EXOC6B: variants seen among roughly 807,000 people sequenced by gnomAD.
EXOC6B encodes exocyst complex component 6B.
EXOC6B carries 54 observed loss-of-function variants against 113.5 expected under a neutral mutation model. That is an observed-to-expected ratio of 0.48 (90% CI 0.38 to 0.60). The LOEUF is 0.60. EXOC6B is among the 20% of genes least tolerant of loss of function. EXOC6B has a pLI of 0.00. For missense variants in EXOC6B, 797 were observed against 977.5 expected (o/e 0.82, Z 2.46); for synonymous variants, 357 against 339.0 (o/e 1.05, Z -0.58).
At chr2:72,667,924 A>T (rs1323355980) in intron 6 of EXOC6B, among the ~76,000 whole-genome samples, 1 of 152,210 alleles carries the variant, frequency 6.6e-6, no homozygotes, top group African/African-American at 2.4e-5. Flanking sequence ...ATTATCAATA[A>T]ACAGGCAACC....
chr2:72,812,180 G>T (rs1206686434), intron 1 of EXOC6B, among the ~76,000 whole-genome samples: 1 of 152,078 alleles, frequency 6.6e-6, no homozygotes, highest in African/African-American at 2.4e-5. Context: ...AGTCCAGCAA[G>T]ATCACAAAGA....
intron 6 of EXOC6B, among the ~76,000 whole-genome samples, chr2:72,678,435 T>G (rs1676464234): frequency 6.6e-6 from 1 of 152,188 alleles, no homozygotes; most frequent in South Asian, 2.1e-4. Context: ...GGCTGGGCAC[T>G]GTGGTTCACG....
chr2:72,670,461 A>G (rs1034312552), intron 6 of EXOC6B, among the ~76,000 whole-genome samples: 47 of 152,180 alleles, frequency 3.1e-4, no homozygotes, highest in African/African-American at 1.1e-3. Flanking sequence ...GAATTCTGCA[A>G]TATTTCTCAA....
rs567996075 is a variant in EXOC6B, at chr2:72,611,132, G to T, written c.670-35464C>A. Among the ~76,000 whole-genome samples the T allele has an allele frequency of 5.9e-5, 9 of 152,212 alleles. 1 individual carries two copies. The highest frequency in any genetic ancestry group is 1.9e-4 in the African/African-American group (8 of 41,532). On this transcript the variant is annotated intron_variant, in intron 6 of 21. Coordinates refer to ENST00000272427, the MANE Select transcript of EXOC6B (RefSeq NM_015189.3). ...AATCCCAGCACTTTGGAAAGCCAAG[G>T]CAGGTGGATCACATGAGGACAGGAG...
At chr2:72,821,385 G>GC (rs1191001602) in intron 1 of EXOC6B, among the ~76,000 whole-genome samples, 2 of 152,000 alleles carry the variant, frequency 1.3e-5, no homozygotes, top group Admixed American at 6.6e-5. Flanking sequence ...GTAAAATGGC[G>GC]CATGCACTTT....
chr2:72,454,554 A>T (rs1279075069), intron 18 of EXOC6B, among the ~76,000 whole-genome samples: 1 of 152,192 alleles, frequency 6.6e-6, no homozygotes, highest in African/African-American at 2.4e-5. Flanking sequence ...GAAATCAAGT[A>T]TGAAAATTTG....
chr2:72,317,290 A>G (rs934732890), intron 20 of EXOC6B, among the ~76,000 whole-genome samples: 3 of 152,032 alleles, frequency 2.0e-5, no homozygotes, highest in Non-Finnish European at 2.9e-5. Flanking sequence ...CCATGAACAT[A>G]TTCACTCCCA....
At chr2:72,613,796 A>C (rs971145304) in intron 6 of EXOC6B, among the ~76,000 whole-genome samples, 17 of 152,128 alleles carry the variant, frequency 1.1e-4, no homozygotes, top group Non-Finnish European at 2.1e-4. Context: ...TGGAGAAAAA[A>C]TATCTTAGTG....
At chr2:72,512,363 GGAAA>G (rs1275714542) in intron 11 of EXOC6B, among the ~76,000 whole-genome samples, 907 of 15,386 alleles carry the variant, frequency 0.059, 4 homozygotes, top group South Asian at 0.097. Flanking sequence ...AAGGAAGGAA[GGAAA>G]GAAGGAAGGA....
intron 18 of EXOC6B, among the ~76,000 whole-genome samples, chr2:72,437,334 A>T (rs1695941174): frequency 6.6e-6 from 1 of 152,098 alleles, no homozygotes; most frequent in Admixed American, 6.6e-5. Flanking sequence ...GTGCCTGTCA[A>T]CCCCTGCTGG....
At position 72,826,009 on chromosome 2, in the gene EXOC6B, A is replaced by C; in HGVS notation, c.-99T>G. On this transcript the variant is annotated 5_prime_UTR_variant, in exon 1 of 22. Coordinates refer to ENST00000272427, the MANE Select transcript of EXOC6B (RefSeq NM_015189.3). Reference sequence around the variant, plus strand: ...CCACCACAGGCTCCACAGCCGCCCCAGCCTCTGGCTACCCGCAGGCCGACC... The same window carrying C: ...CCACCACAGGCTCCACAGCCGCCCCCGCCTCTGGCTACCCGCAGGCCGACC... 1 of 1,503,348 alleles carries C rather than the reference A, an allele frequency of 6.7e-7. No homozygotes were observed. The highest frequency in any genetic ancestry group is 8.9e-7 in the Non-Finnish European group (1 of 1,123,258). 93.1% of individuals were successfully genotyped at this position (1,503,348 alleles called of 1,614,324 possible). A position where few individuals can be genotyped will look rare whatever the true frequency, so the allele number is the denominator to read the frequency against.
chr2:72,503,642 C>A (rs1558739477), intron 11 of EXOC6B, among the ~76,000 whole-genome samples: 1 of 152,188 alleles, frequency 6.6e-6, no homozygotes, highest in South Asian at 2.1e-4. Flanking sequence ...TATAAACAAG[C>A]TGCTATACAC....
chr2:72,616,473 C>G (rs1160953729), intron 6 of EXOC6B, among the ~76,000 whole-genome samples: 1 of 152,158 alleles, frequency 6.6e-6, no homozygotes, highest in Non-Finnish European at 1.5e-5. Context: ...GAAATAAATT[C>G]ACATAACTAC....
chr2:72,438,559 T>C (rs1696017797), intron 18 of EXOC6B, among the ~76,000 whole-genome samples: 1 of 152,108 alleles, frequency 6.6e-6, no homozygotes, highest in Non-Finnish European at 1.5e-5. Context: ...CAGCAATCTG[T>C]GATTGTGCCA....
At chr2:72,506,596 T>C (rs1700610342) in intron 11 of EXOC6B, among the ~76,000 whole-genome samples, 1 of 152,222 alleles carries the variant, frequency 6.6e-6, no homozygotes, top group Non-Finnish European at 1.5e-5. Flanking sequence ...GAATATCTTA[T>C]ATATAAAATA....
intron 6 of EXOC6B, among the ~76,000 whole-genome samples, chr2:72,607,564 A>G (rs2104053559): frequency 6.6e-6 from 1 of 152,304 alleles, no homozygotes; most frequent in East Asian, 1.9e-4. Flanking sequence ...TACTTAGTCC[A>G]AGTCTTTAGG....
chr2:72,240,095 C>T (rs1207337529), intron 20 of EXOC6B, among the ~76,000 whole-genome samples: 3 of 152,086 alleles, frequency 2.0e-5, no homozygotes, highest in African/African-American at 7.2e-5. Context: ...TCAGTATTTT[C>T]TAAGTATAAC....
chr2:72,259,063 A>G (rs1683539160), intron 20 of EXOC6B, among the ~76,000 whole-genome samples: 1 of 152,242 alleles, frequency 6.6e-6, no homozygotes. Flanking sequence ...TAAAATTTAT[A>G]TATGATGAAA....
chr2:72,592,197 C>T (rs369815430), intron 6 of EXOC6B, among the ~76,000 whole-genome samples: 8 of 152,204 alleles, frequency 5.3e-5, no homozygotes, highest in East Asian at 1.9e-4. Context: ...ACCTTTTGGG[C>T]CAGCATCCAG....
Sources: allele counts gnomAD v4.1 joint callset (sites outside exome capture counted in the v4.1 genomes callset), GRCh38; gene constraint gnomAD v4.1.1; transcripts MANE v1.5; gene names NCBI Gene and HGNC (gene_info 2026-07-23, HGNC 2026-07-21).